The following ZNF143 variants were observed in gnomAD, a reference collection of about 807,000 sequenced individuals.
ZNF143 encodes SPH-binding factor.
ZNF143 carries 49 observed loss-of-function variants against 74.1 expected under a neutral mutation model. The observed-to-expected ratio is 0.66, with a 90% CI of 0.53 to 0.84. ZNF143 has a LOEUF of 0.84. Among genes scored for constraint, ZNF143 ranks in the 40% least tolerant of loss-of-function variants. The pLI, the probability that ZNF143 is intolerant of heterozygous loss-of-function variation, is 0.00. For missense variants in ZNF143, 637 were observed against 793.4 expected (o/e 0.80, Z 2.37); for synonymous variants, 304 against 282.8 (o/e 1.07, Z -0.75).
intron 12 of ZNF143, among the ~76,000 whole-genome samples, chr11:9,509,413 CAA>C (rs1848465532): frequency 6.6e-6 from 1 of 152,072 alleles, no homozygotes; most frequent in Non-Finnish European, 1.5e-5. Context: ...TTGTAAGAGA[CAA>C]AATTATTTGT....
At chr11:9,523,193 T>G (rs1051145748) in intron 14 of ZNF143, among the ~76,000 whole-genome samples, 6 of 152,152 alleles carry the variant, frequency 3.9e-5, no homozygotes, top group African/African-American at 1.4e-4. Flanking sequence ...TTAAATTACG[T>G]GTTGTGGCTG....
At chr11:9,495,670 A>G (rs368127839) in intron 8 of ZNF143, among the ~76,000 whole-genome samples, 1 of 152,218 alleles carries the variant, frequency 6.6e-6, no homozygotes, top group Admixed American at 6.5e-5. Context: ...TTCCTCATCT[A>G]TAAAATTGGA....
At chr11:9,509,750 G>A (rs888709314) in intron 12 of ZNF143, among the ~76,000 whole-genome samples, 7 of 152,182 alleles carry the variant, frequency 4.6e-5, no homozygotes, top group Non-Finnish European at 7.3e-5. Flanking sequence ...TTGTTAGGTG[G>A]TGGTAGGTTA....
At chr11:9,486,164 TAGAC>T (rs1321456217) in intron 7 of ZNF143, among the ~76,000 whole-genome samples, 2 of 147,730 alleles carry the variant, frequency 1.4e-5, no homozygotes, top group African/African-American at 5.2e-5. Flanking sequence ...GGGGGCCAAT[TAGAC>T]AGTGTACGTA....
At chr11:9,481,903 T>A (rs1170543508) in intron 7 of ZNF143, among the ~76,000 whole-genome samples, 1 of 147,300 alleles carries the variant, frequency 6.8e-6, no homozygotes, top group Admixed American at 6.8e-5. Flanking sequence ...AAAAAAAAAA[T>A]TTCAGAACTC....
intron 14 of ZNF143, among the ~76,000 whole-genome samples, chr11:9,520,025 A>ATTTTTTTTTTTTT (rs954404348): frequency 1.6e-4 from 15 of 91,382 alleles, no homozygotes; most frequent in African/African-American, 6.2e-4. Context: ...GTTTCCACCA[A>ATTTTTTTTTTTTT]TTTTTTTTTT....
intron 10 of ZNF143, among the ~76,000 whole-genome samples, chr11:9,498,168 G>T (rs1848036296): frequency 6.6e-6 from 1 of 152,238 alleles, no homozygotes. Flanking sequence ...CTTGAGGAAT[G>T]AGTTTCTGGA....
intron 14 of ZNF143, 164 bp from the exon 15 acceptor site, chr11:9,525,076 A>G (rs1707144128): frequency 3.8e-6 from 3 of 789,070 alleles, no homozygotes; most frequent in Non-Finnish European, 3.9e-6. Context: ...ATGAGCCTCA[A>G]CTTCCTCAAA....
intron 10 of ZNF143, 45 bp from the exon 11 acceptor site, chr11:9,501,046 T>A: frequency 1.2e-6 from 2 of 1,602,124 alleles, no homozygotes; most frequent in Non-Finnish European, 1.7e-6. Flanking sequence ...TTTAATCCTC[T>A]ATATATTTTT....
intron 7 of ZNF143, among the ~76,000 whole-genome samples, chr11:9,493,019 C>T (rs1847836051): frequency 6.6e-6 from 1 of 150,842 alleles, no homozygotes; most frequent in South Asian, 2.1e-4. Context: ...TGTATAGGCA[C>T]TTTTCAGTCT....
At chr11:9,517,494 G>A (rs945277244) in intron 14 of ZNF143, among the ~76,000 whole-genome samples, 1 of 152,158 alleles carries the variant, frequency 6.6e-6, no homozygotes, top group African/African-American at 2.4e-5. Flanking sequence ...TGTGATCAGT[G>A]TTGCCAAACT....
intron 11 of ZNF143, among the ~76,000 whole-genome samples, chr11:9,502,195 C>A (rs1261933557): frequency 1.4e-5 from 2 of 142,156 alleles, no homozygotes; most frequent in Non-Finnish European, 3.0e-5. Flanking sequence ...CTCGGCCTCT[C>A]AAAGTGCTGG....
intron 14 of ZNF143, among the ~76,000 whole-genome samples, chr11:9,522,850 A>G (rs1401093928): frequency 6.7e-6 from 1 of 149,650 alleles, no homozygotes; most frequent in Non-Finnish European, 1.5e-5. Context: ...ATGTATATTA[A>G]TTTGTCTTTG....
chr11:9,515,172 C>T (rs1467908009), intron 13 of ZNF143, among the ~76,000 whole-genome samples: 3 of 152,030 alleles, frequency 2.0e-5, no homozygotes, highest in African/African-American at 7.2e-5. Flanking sequence ...CAGGGGATTT[C>T]AGCAGCAGAG....
chr11:9,512,343 C>A, intron 12 of ZNF143, 105 bp from the exon 13 acceptor site: 1 of 1,411,538 alleles, frequency 7.1e-7, no homozygotes, highest in Non-Finnish European at 9.6e-7. Flanking sequence ...GAATATAATA[C>A]ATGTACATTT....
chr11:9,469,689 G>A (rs1247584499), intron 1 of ZNF143, among the ~76,000 whole-genome samples: 1 of 151,942 alleles, frequency 6.6e-6, no homozygotes, highest in African/African-American at 2.4e-5. Context: ...TTCTTTAAAT[G>A]TGCGTGCCAC....
At position 9,475,910 on chromosome 11, in the gene ZNF143, A is replaced by ATATGTGTG. The variant is rs370474107; in HGVS notation, c.373+1278_373+1279insATGTGTGT. On this transcript the variant is annotated intron_variant, in intron 5 of 15. Coordinates refer to ENST00000396602, the MANE Select transcript of ZNF143 (RefSeq NM_003442.6). ...GAGACCCTGTCTCAAAAAAATATATATGTGTGTGTGTGTGTGTGTGTGTGT... is the reference window on the plus strand; with the variant it reads ...GAGACCCTGTCTCAAAAAAATATATATATGTGTGTGTGTGTGTGTGTGTGTGTGTGTGT... Among the ~76,000 whole-genome samples, 484 of 137,354 alleles carry ATATGTGTG rather than the reference A, an allele frequency of 3.5e-3. 3 individuals are homozygous for ATATGTGTG. The highest frequency in any genetic ancestry group is 0.012 in the African/African-American group (440 of 36,248). The allele number at this position is 137,354 out of a possible 152,430, so 90.1% of individuals were successfully genotyped here.
chr11:9,492,588 TGA>T (rs1847823212), intron 7 of ZNF143, among the ~76,000 whole-genome samples: 1 of 152,210 alleles, frequency 6.6e-6, no homozygotes, highest in Admixed American at 6.5e-5. Flanking sequence ...AGTGTACAGC[TGA>T]GTGGTTTTTA....
chr11:9,525,598 T>C (rs1469753858), intron 15 of ZNF143: 3 of 609,272 alleles, frequency 4.9e-6, no homozygotes, highest in Non-Finnish European at 8.6e-6. Context: ...TCTAGGGGAA[T>C]TTATAGCAAG....
Sources: gnomAD v4.1 joint callset for allele counts (sites outside exome capture counted in the v4.1 genomes callset) on GRCh38, gnomAD v4.1.1 for gene constraint, MANE v1.5 for transcripts, NCBI Gene and HGNC (gene_info 2026-07-23, HGNC 2026-07-21) for gene names.